The following CHD6 variants were observed in gnomAD, a reference collection of about 807,000 sequenced individuals.
The protein encoded by CHD6 is ATP-dependent chromatin remodeler CHD6.
In CHD6, 50 loss-of-function variants were observed where a neutral mutation model predicts 276.9. The ratio of observed to expected loss-of-function variants is 0.18; its 90% confidence interval spans 0.14 to 0.23. The LOEUF is 0.23. Ranked by LOEUF, CHD6 falls within the 10% of genes least tolerant of loss-of-function variation. The probability of loss-of-function intolerance (pLI) is 1.00; values close to 1 mark genes in which losing one functional copy is unlikely to be tolerated. For synonymous variants in CHD6, 1,173 were observed against 1,229.3 expected, an observed-to-expected ratio of 0.95 and a Z score of 0.96; for missense variants, 2,564 against 3,365.8, an observed-to-expected ratio of 0.76 and a Z score of 5.89.
At chr20:41,459,784 G>C (rs2048488018) in intron 17 of CHD6, among the ~76,000 whole-genome samples, 1 of 152,202 alleles carries the variant, frequency 6.6e-6, no homozygotes, top group African/African-American at 2.4e-5. Context: ...TTAGCAGTAT[G>C]AAAATGAACT....
At chr20:41,544,918 T>C (rs2045011856) in intron 2 of CHD6, among the ~76,000 whole-genome samples, 1 of 152,104 alleles carries the variant, frequency 6.6e-6, no homozygotes, top group Non-Finnish European at 1.5e-5. Context: ...TGGCAAACTA[T>C]GATTCTAGTC....
chr20:41,402,659 A>G lies in CHD6; in HGVS notation c.*1934T>C, dbSNP rs1416262282. 1 of 218,804 alleles carries G rather than the reference A, an allele frequency of 4.6e-6. No homozygotes were observed. Among genetic ancestry groups the G allele is most frequent in the African/African-American group, 2.2e-5 (1 of 44,572 alleles). The allele number at this position is 218,804 out of a possible 1,614,324, so 13.6% of individuals were successfully genotyped here. On this transcript the variant is annotated 3_prime_UTR_variant, in exon 37 of 37. Transcript: ENST00000373233. ...AATACATTTTTTTTTCTACTTGATA[A>G]AAAGAAAATTAGTACTTAAAAGGTT... is the stretch of plus-strand genomic sequence containing the variant.
intron 15 of CHD6, 32 bp from the exon 16 acceptor site, chr20:41,483,551 G>A (rs1265272058): frequency 2.7e-6 from 4 of 1,478,996 alleles, no homozygotes; most frequent in Middle Eastern, 1.9e-4. Flanking sequence ...CTATTCCTCG[G>A]ACAGAATATA....
intron 2 of CHD6, among the ~76,000 whole-genome samples, chr20:41,542,089 A>G (rs2044954001): frequency 6.6e-6 from 1 of 152,202 alleles, no homozygotes; most frequent in Admixed American, 6.5e-5. Context: ...ATTTCCAACT[A>G]TGGCTTTGGG....
chr20:41,411,679 T>C (rs2046844488), intron 36 of CHD6, among the ~76,000 whole-genome samples: 1 of 152,200 alleles, frequency 6.6e-6, no homozygotes, highest in African/African-American at 2.4e-5. Flanking sequence ...TCCAGTGTCA[T>C]GATGCTATAA....
chr20:41,575,632 A>T (rs1311974674), intron 1 of CHD6, among the ~76,000 whole-genome samples: 1 of 152,212 alleles, frequency 6.6e-6, no homozygotes, highest in Non-Finnish European at 1.5e-5. Flanking sequence ...AAAACAAAAA[A>T]CAAAAAACAC....
chr20:41,491,299 CATATATAT>C (rs145303299), intron 11 of CHD6, among the ~76,000 whole-genome samples: 1 of 143,868 alleles, frequency 7.0e-6, no homozygotes, highest in Non-Finnish European at 1.5e-5. Flanking sequence ...TGTATATTCC[CATATATAT>C]ATATATATAT....
Position 41,452,149 on chromosome 20 carries a change from C to T in CHD6, c.3324-124G>A. 1 of 754,742 alleles carries T rather than the reference C, an allele frequency of 1.3e-6. No individual in the cohort carries two copies. The highest frequency in any genetic ancestry group is 2.7e-5 in the East Asian group (1 of 37,302). The allele number at this position is 754,742 out of a possible 1,614,324, so 46.8% of individuals were successfully genotyped here. A position where few individuals can be genotyped will look rare whatever the true frequency, so the allele number is the denominator to read the frequency against. On this transcript the variant is annotated intron_variant, in intron 21 of 36. Transcript: ENST00000373233. The surrounding 1 kb of genome is among the most constrained non-coding windows in gnomAD (Gnocchi z 4.2). ...TGTTCTCTGTAGGTCTGTTAATCAT[C>T]CCAAGGGCTTTGTCCCGAAAGGCCT...
intron 2 of CHD6, among the ~76,000 whole-genome samples, chr20:41,534,270 A>G (rs1426966669): frequency 6.6e-6 from 1 of 152,190 alleles, no homozygotes; most frequent in East Asian, 1.9e-4. Flanking sequence ...TTCTAAGAAG[A>G]CAGTTACAAT....
Position 41,413,523 on chromosome 20 carries a change from A to G in CHD6, c.6940-8T>C, listed in dbSNP as rs1169707415. Reference sequence around the variant, plus strand: ...TGGGTCTTCATGGACTTCCTGGATGAAGGAAAAACGAGTATGTATAATCAC... The same window carrying G: ...TGGGTCTTCATGGACTTCCTGGATGGAGGAAAAACGAGTATGTATAATCAC... On this transcript the variant is annotated splice_polypyrimidine_tract_variant and splice_region_variant and intron_variant, in intron 34 of 36. Coordinates refer to ENST00000373233, the MANE Select transcript of CHD6 (RefSeq NM_032221.5). The G allele has an allele frequency of 6.5e-7, 1 of 1,529,564 alleles. No homozygotes were observed. The highest frequency in any genetic ancestry group is 2.3e-5 in the Admixed American group (1 of 44,236). 94.7% of individuals were successfully genotyped at this position (1,529,564 alleles called of 1,614,324 possible). A position where few individuals can be genotyped will look rare whatever the true frequency, so the allele number is the denominator to read the frequency against.
At chr20:41,407,737 CCCA>C (rs1255242535) in intron 36 of CHD6, among the ~76,000 whole-genome samples, 4 of 152,188 alleles carry the variant, frequency 2.6e-5, no homozygotes, top group African/African-American at 9.7e-5. Flanking sequence ...TGTGTTGGTT[CCCA>C]CACTAGTGGG....
chr20:41,585,567 A>AGATGG (rs1411803462), intron 1 of CHD6, among the ~76,000 whole-genome samples: 3 of 152,048 alleles, frequency 2.0e-5, no homozygotes, highest in Admixed American at 6.5e-5. Context: ...TACCTATGAA[A>AGATGG]GATGGTAAAT....
intron 1 of CHD6, among the ~76,000 whole-genome samples, chr20:41,591,745 T>C (rs752855968): frequency 1.3e-5 from 2 of 151,622 alleles, no homozygotes; most frequent in African/African-American, 4.8e-5. Context: ...GCTGCAACCA[T>C]TCAAGGATTT....
intron 2 of CHD6, among the ~76,000 whole-genome samples, chr20:41,542,971 G>C (rs992726229): frequency 2.0e-5 from 3 of 151,954 alleles, no homozygotes; most frequent in Non-Finnish European, 4.4e-5. Flanking sequence ...GGGTGTGGTG[G>C]CGTGTGCCTG....
At chr20:41,431,943 G>A (rs2047554590) in intron 27 of CHD6, among the ~76,000 whole-genome samples, 1 of 151,974 alleles carries the variant, frequency 6.6e-6, no homozygotes, top group Admixed American at 6.6e-5. Context: ...TGGATCACCT[G>A]AGGTCAGGAG....
At chr20:41,501,322 A>G (rs781674868) in intron 5 of CHD6, among the ~76,000 whole-genome samples, 5 of 152,188 alleles carry the variant, frequency 3.3e-5, no homozygotes, top group African/African-American at 1.2e-4. Context: ...ATCTTGACGA[A>G]TTTTTACATA....
chr20:41,460,545 C>T (rs557854680), intron 17 of CHD6, among the ~76,000 whole-genome samples: 3 of 152,308 alleles, frequency 2.0e-5, no homozygotes, highest in East Asian at 3.9e-4. Context: ...CTGAAAGGGG[C>T]CAATGTACAG....
chr20:41,488,054 T>C (rs141697484), intron 13 of CHD6, among the ~76,000 whole-genome samples: 49 of 152,302 alleles, frequency 3.2e-4, no homozygotes, highest in African/African-American at 1.1e-3. Context: ...CTAAATATTA[T>C]TGAGTGCCTC....
chr20:41,491,660 T>C lies in CHD6; in HGVS notation c.1436+38A>G, dbSNP rs372204980. 8 of 1,612,700 alleles carry C rather than the reference T, an allele frequency of 5.0e-6. No homozygotes were observed. In the Admixed American group the frequency reaches 5.0e-5, roughly 10 times the overall value. Reference sequence around the variant, plus strand: ...TTCCAGGCTAAGGCAATAATATACCTCTGGGTACAAACATCTGGGCTGGTT... The same window carrying C: ...TTCCAGGCTAAGGCAATAATATACCCCTGGGTACAAACATCTGGGCTGGTT... On this transcript the variant is annotated intron_variant, in intron 11 of 36. Transcript: ENST00000373233.
Sources: allele counts gnomAD v4.1 joint callset (sites outside exome capture counted in the v4.1 genomes callset), GRCh38; gene constraint gnomAD v4.1.1; non-coding constraint Gnocchi (gnomAD v3.1); transcripts MANE v1.5; gene names NCBI Gene and HGNC (gene_info 2026-07-23, HGNC 2026-07-21).